Variants in CSMD1 observed in about 807,000 individuals in gnomAD.
CSMD1 encodes CUB and Sushi multiple domains 1.
CSMD1 carries 213 observed loss-of-function variants against 417.5 expected under a neutral mutation model. The observed-to-expected ratio is 0.51, with a 90% CI of 0.46 to 0.57. CSMD1 has a LOEUF of 0.57. Among genes scored for constraint, CSMD1 ranks in the 20% least tolerant of loss-of-function variants. The pLI is 0.00. For missense variants in CSMD1, 6,923 were observed against 4,529.7 expected (o/e 1.53, Z -15.17); for synonymous variants, 2,862 against 1,736.8 (o/e 1.65, Z -16.11).
intron 16 of CSMD1, among the ~76,000 whole-genome samples, chr8:3,398,281 C>A (rs1030363878): frequency 6.6e-6 from 1 of 152,144 alleles, no homozygotes; most frequent in African/African-American, 2.4e-5. Flanking sequence ...TGAATACTTA[C>A]AGAGTTAGTA....
At chr8:3,399,323 T>C (rs746418205) in intron 16 of CSMD1, 68 bp downstream of exon 16, 22 of 1,401,600 alleles carry the variant, frequency 1.6e-5, no homozygotes, top group African/African-American at 2.9e-5. Flanking sequence ...AAGTTTAAGA[T>C]CCATTTACTA....
At chr8:4,128,084 C>T in intron 3 of CSMD1, among the ~76,000 whole-genome samples, 1 of 152,258 alleles carries the variant, frequency 6.6e-6, no homozygotes, top group African/African-American at 2.4e-5. Context: ...CAAAATGGTT[C>T]CTCAACAGTC....
intron 1 of CSMD1, among the ~76,000 whole-genome samples, chr8:4,944,652 C>T (rs1445885031): frequency 5.9e-5 from 9 of 152,080 alleles, no homozygotes; most frequent in Non-Finnish European, 1.0e-4. Flanking sequence ...AAGAGATGTT[C>T]GATATTATTG....
At chr8:3,406,286 AAG>A in intron 14 of CSMD1, 65 bp from the exon 15 acceptor site, 1 of 1,345,432 alleles carries the variant, frequency 7.4e-7, no homozygotes, top group Non-Finnish European at 1.0e-6. Context: ...TGTATTAAAA[AAG>A]AAGAAAACAG....
chr8:3,894,964 T>A (rs1319574300), intron 5 of CSMD1, among the ~76,000 whole-genome samples: 1 of 152,194 alleles, frequency 6.6e-6, no homozygotes, highest in African/African-American at 2.4e-5. Context: ...AATAGGGTAA[T>A]TAGAAGAGTC....
chr8:4,261,556 TTTTA>T (rs1232002214), intron 3 of CSMD1, among the ~76,000 whole-genome samples: 3 of 151,930 alleles, frequency 2.0e-5, no homozygotes, highest in Non-Finnish European at 2.9e-5. Context: ...GAGTAGATCT[TTTTA>T]TTTATTTTAT....
intron 2 of CSMD1, among the ~76,000 whole-genome samples, chr8:4,469,183 G>A (rs563354785): frequency 6.6e-6 from 1 of 152,142 alleles, no homozygotes; most frequent in Non-Finnish European, 1.5e-5. Context: ...CACATCAGTG[G>A]CAGGGACCTA....
At chr8:4,691,387 C>T (rs1806759702) in intron 1 of CSMD1, among the ~76,000 whole-genome samples, 1 of 152,208 alleles carries the variant, frequency 6.6e-6, no homozygotes, top group Non-Finnish European at 1.5e-5. Context: ...ACACCTATTA[C>T]TAAAGCAACC....
chr8:4,128,118 G>A (rs1324430336), intron 3 of CSMD1, among the ~76,000 whole-genome samples: 1 of 152,084 alleles, frequency 6.6e-6, no homozygotes, highest in Non-Finnish European at 1.5e-5. Context: ...GGCAAACACT[G>A]TCAGGCCAGC....
At chr8:3,538,452 C>G (rs758549646) in intron 10 of CSMD1, among the ~76,000 whole-genome samples, 7 of 152,164 alleles carry the variant, frequency 4.6e-5, no homozygotes, top group Non-Finnish European at 1.0e-4. Flanking sequence ...GATGATGCAC[C>G]TGAGATGCCT....
At chr8:4,667,250 C>T (rs1804996955) in intron 1 of CSMD1, among the ~76,000 whole-genome samples, 1 of 152,060 alleles carries the variant, frequency 6.6e-6, no homozygotes, top group Non-Finnish European at 1.5e-5. Context: ...GTCTTGATTA[C>T]TGTAGCATGA....
At chr8:3,983,139 T>TTTTTTTTTG (rs1160259839) in intron 5 of CSMD1, among the ~76,000 whole-genome samples, 1 of 145,738 alleles carries the variant, frequency 6.9e-6, no homozygotes, top group Non-Finnish European at 1.5e-5. Context: ...TTCTTTCTTT[T>TTTTTTTTTG]TTTTTTTTTG....
chr8:3,692,152 A>G (rs1203668115), intron 7 of CSMD1, among the ~76,000 whole-genome samples: 1 of 152,156 alleles, frequency 6.6e-6, no homozygotes, highest in African/African-American at 2.4e-5. Flanking sequence ...CCAGCCGCTA[A>G]TGACCATGGC....
At chr8:3,502,536 G>T (rs917528484) in intron 10 of CSMD1, among the ~76,000 whole-genome samples, 6 of 152,072 alleles carry the variant, frequency 3.9e-5, no homozygotes, top group Non-Finnish European at 8.8e-5. Context: ...GGGCTAAAAG[G>T]AAATGAGCTG....
intron 5 of CSMD1, among the ~76,000 whole-genome samples, chr8:3,997,686 C>A (rs922355231): frequency 2.5e-4 from 38 of 152,184 alleles, no homozygotes; most frequent in African/African-American, 8.9e-4. Context: ...ACACAGATGA[C>A]TTCCCGAGCT....
In CSMD1 at chr8:4,443,204, G is replaced by A. The variant is rs180688093; in HGVS notation, c.303-23139C>T. On this transcript the variant is annotated intron_variant, in intron 2 of 69. Transcript: ENST00000635120. The stretch of plus-strand genomic sequence containing the variant: ...TGATATATTACTGAGTATACAAGAG[G>A]TGTTCAATTTTTATTTGTAATTAAT... Among the ~76,000 whole-genome samples the A allele has an allele frequency of 6.9e-4, 105 of 152,214 alleles. 1 individual carries two copies. Among genetic ancestry groups the A allele is most frequent in the African/African-American group, 2.4e-3 (98 of 41,536 alleles).
intron 3 of CSMD1, among the ~76,000 whole-genome samples, chr8:4,408,764 C>T (rs940561106): frequency 1.3e-5 from 2 of 152,054 alleles, no homozygotes; most frequent in Admixed American, 6.6e-5. Context: ...GCAGGTGAGG[C>T]CATCAGCTGC....
intron 1 of CSMD1, among the ~76,000 whole-genome samples, chr8:4,650,988 A>C (rs554259602): frequency 1.3e-5 from 2 of 152,348 alleles, no homozygotes; most frequent in South Asian, 4.1e-4. Flanking sequence ...GATAACAAGA[A>C]GAAATATGGA....
At position 4,818,234 on chromosome 8, in the gene CSMD1, G is replaced by C. The variant is rs1326738314; in HGVS notation, c.85+176098C>G. Among the ~76,000 whole-genome samples, 2 of 152,028 alleles carry C rather than the reference G, an allele frequency of 1.3e-5. 1 individual carries two copies. Among genetic ancestry groups the C allele is most frequent in the Non-Finnish European group, 2.9e-5 (2 of 67,988 alleles). On this transcript the variant is annotated intron_variant, in intron 1 of 69. Coordinates refer to ENST00000635120, the MANE Select transcript of CSMD1 (RefSeq NM_033225.6). ...AAATGTTTTAAAATGTATAGCAATA[G>C]AAAAATCATTCTTTGTAACGATTTT...
Sources: allele counts gnomAD v4.1 joint callset (sites outside exome capture counted in the v4.1 genomes callset), GRCh38; gene constraint gnomAD v4.1.1; transcripts MANE v1.5; gene names NCBI Gene and HGNC (gene_info 2026-07-23, HGNC 2026-07-21).